Variants in LIG1 observed in about 807,000 individuals in gnomAD.
LIG1 encodes the protein ligase I, DNA, ATP-dependent.
In LIG1, 70 loss-of-function variants were observed where a neutral mutation model predicts 115.7. That is an observed-to-expected ratio of 0.60 (90% CI 0.50 to 0.74). LIG1 has a LOEUF of 0.74. Ranked by LOEUF, LIG1 falls within the 30% of genes least tolerant of loss-of-function variation. The pLI is 0.00. For missense variants in LIG1, 1,115 were observed against 1,225.6 expected, an observed-to-expected ratio of 0.91 and a Z score of 1.35; for synonymous variants, 487 against 495.3, an observed-to-expected ratio of 0.98 and a Z score of 0.22.
At chr19:48,117,352 G>A (rs1257630711) in intron 26 of LIG1, among the ~76,000 whole-genome samples, 1 of 149,904 alleles carries the variant, frequency 6.7e-6, no homozygotes, top group African/African-American at 2.5e-5. Context: ...TAGAGATGGG[G>A]TTTCACCATG....
rs768510225 is a variant in LIG1, at chr19:48,131,176, C to A, written c.1726-5G>T. 1.4e-5 allele frequency: 22 copies of A among 1,612,058 alleles called. No homozygotes were observed. Among genetic ancestry groups the A allele is most frequent in the Non-Finnish European group, 1.9e-5 (22 of 1,178,312 alleles). On this transcript the variant is annotated splice_region_variant and splice_polypyrimidine_tract_variant and intron_variant, in intron 18 of 27. Coordinates refer to ENST00000263274, the MANE Select transcript of LIG1 (RefSeq NM_000234.3). ...CCCGCCTTCCAGGGCGTGGATCTGT[C>A]ACGATGGGAGAAGGGAGGGGAAATC...
intron 11 of LIG1, among the ~76,000 whole-genome samples, chr19:48,142,213 G>A (rs1044835086): frequency 2.0e-5 from 3 of 151,898 alleles, no homozygotes; most frequent in Admixed American, 6.6e-5. Flanking sequence ...GGAGGTGGGC[G>A]GATCACGAGG....
At chr19:48,134,733 T>C (rs2034271044) in intron 16 of LIG1, among the ~76,000 whole-genome samples, 1 of 152,198 alleles carries the variant, frequency 6.6e-6, no homozygotes, top group Non-Finnish European at 1.5e-5. Flanking sequence ...TGGTGTGGGG[T>C]AGGCCTGAGG....
At chr19:48,161,176 G>A (rs1378717766) in intron 4 of LIG1, 196 bp downstream of exon 4, 4 of 700,688 alleles carry the variant, frequency 5.7e-6, no homozygotes, top group Non-Finnish European at 1.0e-5. Flanking sequence ...CTAACGTGGT[G>A]AAGGAGCCCA....
chr19:48,164,074 G>A (rs552959152), intron 2 of LIG1, among the ~76,000 whole-genome samples: 10 of 152,016 alleles, frequency 6.6e-5, no homozygotes, highest in Admixed American at 5.9e-4. Context: ...GGTGAGAAAC[G>A]GATCATAGTA....
chr19:48,136,249 C>T (rs1336257704), intron 14 of LIG1, 124 bp from the exon 15 acceptor site: 2 of 714,892 alleles, frequency 2.8e-6, no homozygotes, highest in Non-Finnish European at 4.8e-6. Context: ...GAAGAATCTT[C>T]AGAGCCTGGA....
At chr19:48,116,060 A>G (rs1973021180) in intron 26 of LIG1, 95 bp from the exon 27 acceptor site, 1 of 888,492 alleles carries the variant, frequency 1.1e-6, no homozygotes, top group Non-Finnish European at 1.8e-6. Context: ...CCTGATCCAC[A>G]TGACGGGGCC....
chr19:48,146,779 C>G (rs1472969741), intron 9 of LIG1, among the ~76,000 whole-genome samples: 1 of 152,216 alleles, frequency 6.6e-6, no homozygotes, highest in African/African-American at 2.4e-5. Context: ...TTTATAAATA[C>G]ACAAACACGG....
At chr19:48,127,115 C>A in intron 21 of LIG1, 162 bp downstream of exon 21, 1 of 669,662 alleles carries the variant, frequency 1.5e-6, no homozygotes, top group Admixed American at 2.2e-5. Flanking sequence ...CTTAAGGAAC[C>A]TCAGGGGTCC....
rs2122625327 is a variant in LIG1, at chr19:48,137,025, T to C, written c.1314A>G (p.Glu438=). The C allele has an allele frequency of 6.2e-7, 1 of 1,613,082 alleles. No homozygotes were observed. Among genetic ancestry groups the C allele is most frequent in the Admixed American group, 1.7e-5 (1 of 59,862 alleles). ...KGLFVACRHS[E]ARFIARSLSG... ...ACGCTTACCTAGCGATGAACCGGGCTTCTGAGTGGCGGCAGGCCACAAAGA... is the reference window on the plus strand; with the variant it reads ...ACGCTTACCTAGCGATGAACCGGGCCTCTGAGTGGCGGCAGGCCACAAAGA... The change falls in exon 14 of 28, where the codon GAA becomes GAG. Residue 438 remains glutamate, a synonymous_variant. Transcript: ENST00000263274. The surrounding 1 kb of genome is among the most constrained non-coding windows in gnomAD (Gnocchi z 4.3).
intron 19 of LIG1, 22 bp from the exon 20 acceptor site, chr19:48,128,042 C>A (rs377230917): frequency 2.7e-5 from 43 of 1,586,222 alleles, no homozygotes; most frequent in Non-Finnish European, 3.4e-5. Context: ...AGGGAGAGAC[C>A]CAGGGCCTGA....
In LIG1 at chr19:48,155,202, C is replaced by T. The variant is rs559944617; in HGVS notation, c.371-1235G>A. Among the ~76,000 whole-genome samples the T allele has an allele frequency of 4.6e-5, 7 of 152,272 alleles. 1 individual carries two copies. The South Asian group carries it at 1.2e-3, about 27-fold the overall frequency. On this transcript the variant is annotated intron_variant, in intron 5 of 27. Transcript: ENST00000263274. ...GAACCTGCCTCCCCACCTCACAGCC[C>T]TTCCATGGCTCCCAGGACCCACAGC...
At chr19:48,167,119 T>C (rs1490647617) in intron 1 of LIG1, among the ~76,000 whole-genome samples, 1 of 151,200 alleles carries the variant, frequency 6.6e-6, no homozygotes, top group Non-Finnish European at 1.5e-5. Context: ...AAACTTCTAA[T>C]TGGAACTGAG....
chr19:48,130,976 A>C lies in LIG1; in HGVS notation c.1821+100T>G, dbSNP rs545681768. The C allele has an allele frequency of 6.4e-5, 60 of 937,052 alleles. No homozygotes were observed. In the Middle Eastern group the frequency reaches 8.3e-4, roughly 13 times the overall value. 58.0% of individuals were successfully genotyped at this position (937,052 alleles called of 1,614,324 possible). A position where few individuals can be genotyped will look rare whatever the true frequency, so the allele number is the denominator to read the frequency against. On this transcript the variant is annotated intron_variant, in intron 19 of 27. Coordinates refer to ENST00000263274, the MANE Select transcript of LIG1 (RefSeq NM_000234.3). ...CCAAACGCAACCTGATCTCCTCCCA[A>C]TAAACCCCGCACTGTGCCACACTGG...
intron 24 of LIG1, chr19:48,120,367 T>C: frequency 1.0e-6 from 1 of 985,188 alleles, no homozygotes; most frequent in Non-Finnish European, 1.2e-6. Context: ...AAATTACTCA[T>C]AGAGAAGGAT....
chr19:48,131,504 G>A (rs555986102), intron 18 of LIG1, among the ~76,000 whole-genome samples: 2 of 152,184 alleles, frequency 1.3e-5, no homozygotes, highest in Admixed American at 1.3e-4. Context: ...TCTCGCCCAG[G>A]CTGGAGAGCA....
intron 1 of LIG1, chr19:48,169,576 G>A (rs2036661322): frequency 6.5e-6 from 1 of 152,848 alleles, no homozygotes; most frequent in Non-Finnish European, 1.5e-5. Flanking sequence ...TCTTTTACGA[G>A]CCCTTTACCT....
Position 48,127,969 on chromosome 19 carries a change from A to G in LIG1, c.1873T>C (p.Trp625Arg), listed in dbSNP as rs1444485496. 6.2e-7 allele frequency: 1 copy of G among 1,614,174 alleles called. No homozygotes were observed. The change falls in exon 20 of 28, where the codon TGG becomes CGG. Residue 625 changes from tryptophan (W) to arginine (R), a missense_variant. By Grantham distance (101) the Trp-to-Arg change is moderately radical. Coordinates refer to ENST00000263274, the MANE Select transcript of LIG1 (RefSeq NM_000234.3). ...SFILDTEAVA[W>R]DREKKQIQPF... The stretch of plus-strand genomic sequence containing the variant: ...TGGATCTGCTTCTTTTCCCGGTCCC[A>G]AGCCACGGCTTCGGTGTCCAGGATG...
In LIG1 at chr19:48,140,135, A is replaced by G. The variant is rs1290832186; in HGVS notation, c.923T>C (p.Met308Thr). 1 of 1,611,828 alleles carries G rather than the reference A, an allele frequency of 6.2e-7. No individual in the cohort carries two copies. Among genetic ancestry groups the G allele is most frequent in the Non-Finnish European group, 8.5e-7 (1 of 1,179,134 alleles). Residue 308 changes from methionine to threonine, a missense_variant, in exon 12 of 28, where the codon ATG (methionine) becomes ACG (threonine). Coordinates refer to ENST00000263274, the MANE Select transcript of LIG1 (RefSeq NM_000234.3). ...KIEEVSARLR[M>T]VETLSNLLRS... ...CAGCAAGTTGCTCAGCGTCTCCACC[A>G]TCCGGAGCCTGGAGGAGGGGACGGG... is the stretch of plus-strand genomic sequence containing the variant.
Sources: allele counts gnomAD v4.1 joint callset (sites outside exome capture counted in the v4.1 genomes callset), GRCh38; gene constraint gnomAD v4.1.1; non-coding constraint Gnocchi (gnomAD v3.1); transcripts MANE v1.5; gene names NCBI Gene and HGNC (gene_info 2026-07-23, HGNC 2026-07-21).